PDZRN4: variants seen among roughly 807,000 people sequenced by gnomAD.
The protein encoded by PDZRN4 is PDZ domain containing ring finger 4, also known as PDZ domain-containing RING finger protein 4.
A neutral mutation model predicts 99.0 loss-of-function variants in PDZRN4; 70 were observed. That is an observed-to-expected ratio of 0.71 (90% CI 0.58 to 0.86). The LOEUF is 0.86. Among genes scored for constraint, PDZRN4 ranks in the 40% least tolerant of loss-of-function variants. The pLI is 0.00. For synonymous variants in PDZRN4, 551 were observed against 501.6 expected, an observed-to-expected ratio of 1.10 and a Z score of -1.32; for missense variants, 1,474 against 1,331.2, an observed-to-expected ratio of 1.11 and a Z score of -1.67.
At chr12:41,345,189 G>C (rs550509865) in intron 3 of PDZRN4, among the ~76,000 whole-genome samples, 16 of 152,276 alleles carry the variant, frequency 1.1e-4, no homozygotes, top group Middle Eastern at 3.4e-3. Flanking sequence ...ACAGACCATG[G>C]GGCTGGCCAG....
Position 41,388,310 on chromosome 12 carries a change from A to G in PDZRN4, c.844-118146A>G, listed in dbSNP as rs78637686. ...ATAACTAATGGATACTAGGCTTAAT[A>G]CTTGGGTGATAAAATAATCTTACAA... On this transcript the variant is annotated intron_variant, in intron 3 of 9. Transcript: ENST00000402685. 3.9e-3 allele frequency among the ~76,000 whole-genome samples: 601 copies of G among 152,198 alleles called. 2 individuals carry two copies. Among genetic ancestry groups the G allele is most frequent in the African/African-American group, 0.014 (582 of 41,530 alleles).
chr12:41,291,002 C>A (rs1018504206), intron 3 of PDZRN4, among the ~76,000 whole-genome samples: 3 of 151,998 alleles, frequency 2.0e-5, no homozygotes, highest in Non-Finnish European at 4.4e-5. Flanking sequence ...GATGTAGGAT[C>A]TATTTTGTTT....
intron 3 of PDZRN4, among the ~76,000 whole-genome samples, chr12:41,338,571 GA>G (rs1413448795): frequency 2.0e-5 from 3 of 151,304 alleles, no homozygotes; most frequent in Non-Finnish European, 2.9e-5. Context: ...ACTAGACTAA[GA>G]AAAAAAGAGA....
At chr12:41,229,632 T>C (rs1951016187) in intron 3 of PDZRN4, among the ~76,000 whole-genome samples, 1 of 152,116 alleles carries the variant, frequency 6.6e-6, no homozygotes, top group South Asian at 2.1e-4. Context: ...CATTATTCTT[T>C]AAAAGAACTC....
chr12:41,286,233 G>A (rs1224981847), intron 3 of PDZRN4, among the ~76,000 whole-genome samples: 1 of 150,144 alleles, frequency 6.7e-6, no homozygotes, highest in East Asian at 2.0e-4. Context: ...AAAAAAAACA[G>A]CAACATAAAA....
chr12:41,427,134 C>T (rs7305541), intron 3 of PDZRN4, among the ~76,000 whole-genome samples: 8,497 of 152,214 alleles, frequency 0.056, 593 homozygotes, highest in East Asian at 0.18. Context: ...TTCTCCCTGG[C>T]TGCCAGTCAC....
intron 3 of PDZRN4, among the ~76,000 whole-genome samples, chr12:41,197,228 T>C (rs1950779309): frequency 6.6e-6 from 1 of 152,086 alleles, no homozygotes; most frequent in African/African-American, 2.4e-5. Flanking sequence ...ATGTTAAAGG[T>C]TTTGTTCTGT....
chr12:41,396,296 A>C (rs1952245180), intron 3 of PDZRN4, among the ~76,000 whole-genome samples: 1 of 152,120 alleles, frequency 6.6e-6, no homozygotes, highest in African/African-American at 2.4e-5. Context: ...CCTATCAAAG[A>C]CCATAAGACA....
intron 3 of PDZRN4, among the ~76,000 whole-genome samples, chr12:41,379,412 G>A (rs1170390971): frequency 2.7e-5 from 4 of 150,216 alleles, no homozygotes; most frequent in African/African-American, 9.8e-5. Context: ...TGCCAAATGT[G>A]GGCTTTGGTT....
intron 3 of PDZRN4, among the ~76,000 whole-genome samples, chr12:41,469,933 A>C (rs1444121716): frequency 6.6e-6 from 1 of 150,846 alleles, no homozygotes; most frequent in Non-Finnish European, 1.5e-5. Flanking sequence ...CCATCTCAAA[A>C]ATAAAAAATA....
intron 3 of PDZRN4, among the ~76,000 whole-genome samples, chr12:41,486,199 G>C (rs1376798616): frequency 6.6e-6 from 1 of 152,046 alleles, no homozygotes; most frequent in Non-Finnish European, 1.5e-5. Flanking sequence ...AATATTGAGG[G>C]CAGTTTAAAT....
At chr12:41,287,058 A>C (rs1161116474) in intron 3 of PDZRN4, among the ~76,000 whole-genome samples, 1 of 152,174 alleles carries the variant, frequency 6.6e-6, no homozygotes, top group African/African-American at 2.4e-5. Context: ...GACCCCAGCC[A>C]GCAACATCTT....
At chr12:41,273,410 G>A (rs12306167) in intron 3 of PDZRN4, among the ~76,000 whole-genome samples, 23,911 of 151,902 alleles carry the variant, frequency 0.16, 3,018 homozygotes, top group African/African-American at 0.35. Flanking sequence ...TTCCCCAGAC[G>A]CTTAAAGAAG....
At chr12:41,448,074 T>C (rs1176697617) in intron 3 of PDZRN4, among the ~76,000 whole-genome samples, 2 of 152,106 alleles carry the variant, frequency 1.3e-5, no homozygotes, top group African/African-American at 4.8e-5. Flanking sequence ...AGTGAAATTA[T>C]CTCACCTATG....
chr12:41,431,388 G>A (rs1273497671), intron 3 of PDZRN4, among the ~76,000 whole-genome samples: 1 of 152,130 alleles, frequency 6.6e-6, no homozygotes. Context: ...ATAATGATTT[G>A]CCCCACATTA....
At chr12:41,386,560 A>T (rs1251014611) in intron 3 of PDZRN4, among the ~76,000 whole-genome samples, 2 of 152,246 alleles carry the variant, frequency 1.3e-5, no homozygotes, top group Non-Finnish European at 2.9e-5. Context: ...AAAGCAATTT[A>T]TAAGTTCAAT....
chr12:41,502,708 A>G (rs1381560370), intron 3 of PDZRN4, among the ~76,000 whole-genome samples: 1 of 151,994 alleles, frequency 6.6e-6, no homozygotes, highest in Non-Finnish European at 1.5e-5. Flanking sequence ...TCACAAAACA[A>G]TTAAAAACTA....
In PDZRN4 at chr12:41,506,681, C is replaced by T; in HGVS notation, c.1069C>T (p.Pro357Ser). The T allele has an allele frequency of 1.2e-6, 2 of 1,613,526 alleles. No homozygotes were observed. The highest frequency in any genetic ancestry group is 1.7e-6 in the Non-Finnish European group (2 of 1,179,652). The change falls in exon 4 of 10, where the codon CCA becomes TCA. Residue 357 changes from proline to serine, a missense_variant. Transcript: ENST00000402685. The part of the protein sequence containing the change: ...AKLRPPTPPV[P>S]DICPFLLSDS... ...GCTTCGTCCACCTACCCCTCCAGTG[C>T]CAGACATCTGTCCATTCCTGCTCTC...
At chr12:41,229,807 G>A (rs1951016959) in intron 3 of PDZRN4, among the ~76,000 whole-genome samples, 1 of 152,028 alleles carries the variant, frequency 6.6e-6, no homozygotes, top group Non-Finnish European at 1.5e-5. Context: ...CCAAGGTGAG[G>A]TCAATGACAT....
Sources: gnomAD v4.1 joint callset for allele counts (sites outside exome capture counted in the v4.1 genomes callset) on GRCh38, gnomAD v4.1.1 for gene constraint, MANE v1.5 for transcripts, NCBI Gene and HGNC (gene_info 2026-07-23, HGNC 2026-07-21) for gene names.